The following EXOC6B variants were observed in gnomAD, a reference collection of about 807,000 sequenced individuals.
The protein encoded by EXOC6B is SEC15 homolog B.
EXOC6B carries 54 observed loss-of-function variants against 113.5 expected under a neutral mutation model. That is an observed-to-expected ratio of 0.48 (90% CI 0.38 to 0.60). The LOEUF (loss-of-function observed/expected upper bound fraction) is 0.60, where lower values mean the gene tolerates loss of function less well. Ranked by LOEUF, EXOC6B falls within the 20% of genes least tolerant of loss-of-function variation. EXOC6B has a pLI of 0.00. For missense variants in EXOC6B, 797 were observed against 977.5 expected (o/e 0.82, Z 2.46); for synonymous variants, 357 against 339.0 (o/e 1.05, Z -0.58).
At chr2:72,335,731 G>C (rs1387102670) in intron 19 of EXOC6B, among the ~76,000 whole-genome samples, 1 of 152,044 alleles carries the variant, frequency 6.6e-6, no homozygotes, top group African/African-American at 2.4e-5. Flanking sequence ...TGTCCTTCTA[G>C]TGTATTCTTT....
At chr2:72,552,902 G>T (rs1703322089) in intron 8 of EXOC6B, among the ~76,000 whole-genome samples, 1 of 151,838 alleles carries the variant, frequency 6.6e-6, no homozygotes, top group South Asian at 2.1e-4. Flanking sequence ...GCTATATAAT[G>T]ATTAATCAAT....
At chr2:72,245,295 T>A (rs1483818901) in intron 20 of EXOC6B, among the ~76,000 whole-genome samples, 2 of 152,102 alleles carry the variant, frequency 1.3e-5, no homozygotes, top group African/African-American at 4.8e-5. Context: ...AAGAGATCAA[T>A]GGGACAGAAT....
chr2:72,447,512 T>C (rs1696659832), intron 18 of EXOC6B, among the ~76,000 whole-genome samples: 1 of 152,180 alleles, frequency 6.6e-6, no homozygotes, highest in African/African-American at 2.4e-5. Flanking sequence ...CTCTTCTTTA[T>C]GAGCTCCAGT....
At chr2:72,546,066 G>C (rs1393502670) in intron 8 of EXOC6B, among the ~76,000 whole-genome samples, 2 of 152,176 alleles carry the variant, frequency 1.3e-5, no homozygotes, top group Admixed American at 6.5e-5. Flanking sequence ...GAAATCTTCA[G>C]ATTAGAGTGG....
intron 1 of EXOC6B, among the ~76,000 whole-genome samples, chr2:72,746,461 T>A (rs1681703729): frequency 1.3e-5 from 2 of 152,056 alleles, no homozygotes; most frequent in Admixed American, 1.3e-4. Flanking sequence ...CGTATAACTA[T>A]CTGGTGCATA....
At chr2:72,690,789 G>A (rs748796469) in intron 6 of EXOC6B, among the ~76,000 whole-genome samples, 3 of 152,120 alleles carry the variant, frequency 2.0e-5, no homozygotes, top group Non-Finnish European at 4.4e-5. Flanking sequence ...GACATGTCAG[G>A]TACTCAGTTA....
intron 18 of EXOC6B, among the ~76,000 whole-genome samples, chr2:72,452,556 G>T (rs1696981800): frequency 6.6e-6 from 1 of 152,140 alleles, no homozygotes; most frequent in Non-Finnish European, 1.5e-5. Flanking sequence ...GAAAACAGGT[G>T]TTAAGCTGTA....
chr2:72,249,085 G>A (rs563555769), intron 20 of EXOC6B, among the ~76,000 whole-genome samples: 35 of 152,274 alleles, frequency 2.3e-4, no homozygotes, highest in African/African-American at 7.7e-4. Flanking sequence ...GCAACATAGT[G>A]AGAGCGTGTG....
intron 20 of EXOC6B, among the ~76,000 whole-genome samples, chr2:72,277,536 G>A (rs576692959): frequency 6.6e-6 from 1 of 151,980 alleles, no homozygotes; most frequent in South Asian, 2.1e-4. Context: ...CCATGCTGGA[G>A]TGCAGAGTAC....
chr2:72,543,983 C>T (rs186622999), intron 8 of EXOC6B, among the ~76,000 whole-genome samples: 1 of 152,136 alleles, frequency 6.6e-6, no homozygotes, highest in Admixed American at 6.6e-5. Context: ...TTCAGGAATA[C>T]TCAAGATTAC....
At chr2:72,414,892 A>G (rs976317207) in intron 18 of EXOC6B, among the ~76,000 whole-genome samples, 4 of 144,930 alleles carry the variant, frequency 2.8e-5, no homozygotes, top group Non-Finnish European at 4.4e-5. Context: ...TTCTTTTATT[A>G]TTAGTTTTTT....
At chr2:72,295,138 G>A (rs1005132589) in intron 20 of EXOC6B, among the ~76,000 whole-genome samples, 2 of 151,390 alleles carry the variant, frequency 1.3e-5, no homozygotes, top group Admixed American at 6.6e-5. Context: ...GGCTGAGGCA[G>A]GAGAGTCGCT....
chr2:72,219,287 G>A (rs1680724172), intron 20 of EXOC6B, among the ~76,000 whole-genome samples: 1 of 151,932 alleles, frequency 6.6e-6, no homozygotes, highest in African/African-American at 2.4e-5. Flanking sequence ...GGAAGGAGGA[G>A]GGGGAAGAGG....
At chr2:72,568,261 T>C (rs1704305786) in intron 7 of EXOC6B, among the ~76,000 whole-genome samples, 1 of 151,988 alleles carries the variant, frequency 6.6e-6, no homozygotes, top group Non-Finnish European at 1.5e-5. Flanking sequence ...AAAATTTGTC[T>C]TGATGTGGCT....
At chr2:72,698,302 C>T (rs1159829894) in intron 6 of EXOC6B, among the ~76,000 whole-genome samples, 1 of 152,300 alleles carries the variant, frequency 6.6e-6, no homozygotes, top group South Asian at 2.1e-4. Context: ...AATTAAGGAA[C>T]AAGAGTGCTG....
intron 18 of EXOC6B, among the ~76,000 whole-genome samples, chr2:72,419,977 CT>C (rs1350759880): frequency 6.6e-6 from 1 of 152,084 alleles, no homozygotes; most frequent in Admixed American, 6.6e-5. Context: ...GTTGTGTTCG[CT>C]TTTCTTCAAT....
chr2:72,434,066 G>C (rs924294980), intron 18 of EXOC6B, among the ~76,000 whole-genome samples: 4 of 152,112 alleles, frequency 2.6e-5, no homozygotes, highest in Non-Finnish European at 5.9e-5. Flanking sequence ...TTATTATTTT[G>C]AGATATGTTC....
chr2:72,628,501 C>T (rs1485166154), intron 6 of EXOC6B, among the ~76,000 whole-genome samples: 1 of 152,032 alleles, frequency 6.6e-6, no homozygotes, highest in Non-Finnish European at 1.5e-5. Flanking sequence ...CAGTTAAAGG[C>T]TGTTTGTGAC....
chr2:72,355,784 T>C (rs1434618252), intron 19 of EXOC6B, among the ~76,000 whole-genome samples: 1 of 152,194 alleles, frequency 6.6e-6, no homozygotes, highest in African/African-American at 2.4e-5. Context: ...ACACACAACA[T>C]GTCCTTCAGT....
Sources: allele counts gnomAD v4.1 joint callset (sites outside exome capture counted in the v4.1 genomes callset), GRCh38; gene constraint gnomAD v4.1.1; transcripts MANE v1.5; gene names NCBI Gene and HGNC (gene_info 2026-07-23, HGNC 2026-07-21).